Variants in DGKB observed in about 807,000 individuals in gnomAD.
DGKB encodes the protein 90 kDa diacylglycerol kinase.
A neutral mutation model predicts 114.3 loss-of-function variants in DGKB; 67 were observed. The observed-to-expected ratio is 0.59, with a 90% CI of 0.48 to 0.72. DGKB has a LOEUF of 0.72. Among genes scored for constraint, DGKB ranks in the 30% least tolerant of loss-of-function variants. The pLI, the probability that DGKB is intolerant of heterozygous loss-of-function variation, is 0.00. For synonymous variants in DGKB, 398 were observed against 323.1 expected (o/e 1.23, Z -2.49); for missense variants, 907 against 975.2 (o/e 0.93, Z 0.93).
At chr7:14,758,928 G>GATAGATAAC (rs376591211) in intron 2 of DGKB, among the ~76,000 whole-genome samples, 2,530 of 146,954 alleles carry the variant, frequency 0.017, 75 homozygotes, top group African/African-American at 0.06. Context: ...TAGATAGATA[G>GATAGATAAC]ATAGATACAT....
At chr7:14,168,389 C>G (rs1209660426) in intron 25 of DGKB, among the ~76,000 whole-genome samples, 1 of 152,032 alleles carries the variant, frequency 6.6e-6, no homozygotes, top group Non-Finnish European at 1.5e-5. Context: ...GCGTAGAAGT[C>G]AATATTTGAA....
intron 21 of DGKB, among the ~76,000 whole-genome samples, chr7:14,416,217 A>G (rs1207493430): frequency 6.6e-6 from 1 of 151,922 alleles, no homozygotes; most frequent in Non-Finnish European, 1.5e-5. Flanking sequence ...CCCATTCTGT[A>G]GGTTGCATAT....
At chr7:14,701,824 A>C in intron 6 of DGKB, 94 bp from the exon 7 acceptor site, 1 of 823,636 alleles carries the variant, frequency 1.2e-6, no homozygotes, top group East Asian at 2.5e-5. Flanking sequence ...TGTGTTGAAA[A>C]CAAATACTAA....
At chr7:14,821,329 C>G (rs1003471341) in intron 2 of DGKB, among the ~76,000 whole-genome samples, 1 of 151,954 alleles carries the variant, frequency 6.6e-6, no homozygotes, top group Non-Finnish European at 1.5e-5. Flanking sequence ...AGTAAACTAT[C>G]TTCAGAAACT....
chr7:14,745,507 G>T (rs1444046578), intron 4 of DGKB, among the ~76,000 whole-genome samples: 2 of 152,190 alleles, frequency 1.3e-5, no homozygotes, highest in African/African-American at 4.8e-5. Context: ...ATTGAGCACA[G>T]GGGGGCTTGC....
At chr7:14,793,990 T>C (rs1269368481) in intron 2 of DGKB, among the ~76,000 whole-genome samples, 1 of 152,160 alleles carries the variant, frequency 6.6e-6, no homozygotes, top group Non-Finnish European at 1.5e-5. Context: ...TCTCCAGCCC[T>C]CAGATAGGAA....
At chr7:14,639,994 C>A (rs10227542) in intron 13 of DGKB, among the ~76,000 whole-genome samples, 3,324 of 152,218 alleles carry the variant, frequency 0.022, 117 homozygotes, top group African/African-American at 0.076. Context: ...CACAAACATA[C>A]TTATGGTTAT....
chr7:14,612,176 T>C (rs925018575), intron 16 of DGKB, among the ~76,000 whole-genome samples: 28 of 151,560 alleles, frequency 1.8e-4, no homozygotes, highest in African/African-American at 6.3e-4. Flanking sequence ...TTTTATTTTA[T>C]TTTATTTTAT....
rs545957378 is a variant in DGKB at position 14,690,044 on chromosome 7, A to G, written c.711+4031T>C. On this transcript the variant is annotated intron_variant, in intron 9 of 25. Coordinates refer to ENST00000402815, the MANE Select transcript of DGKB (RefSeq NM_001350709.2). ...AGGCTAGATGTGGGTACAACAATCC[A>G]CAATAACAAGTTAAGGTATCGCTAT... Among the ~76,000 whole-genome samples, 311 of 152,348 alleles carry G rather than the reference A, an allele frequency of 2.0e-3. 1 individual carries two copies. The highest frequency in any genetic ancestry group is 3.5e-3 in the South Asian group (17 of 4,834).
intron 21 of DGKB, among the ~76,000 whole-genome samples, chr7:14,381,060 G>C (rs1819388313): frequency 6.6e-6 from 1 of 152,180 alleles, no homozygotes; most frequent in Non-Finnish European, 1.5e-5. Flanking sequence ...GTGCATGATG[G>C]AGCTGTGGGC....
At chr7:14,174,692 T>C (rs1008177169) in intron 25 of DGKB, among the ~76,000 whole-genome samples, 13 of 152,066 alleles carry the variant, frequency 8.5e-5, no homozygotes, top group Non-Finnish European at 1.8e-4. Context: ...TTTACCACTA[T>C]TTCCACCATC....
In DGKB at chr7:14,509,723, C is replaced by T. The variant is rs1365344799; in HGVS notation, c.1771-31498G>A. 2.0e-5 allele frequency among the ~76,000 whole-genome samples: 3 copies of T among 152,236 alleles called. No individual in the cohort carries two copies. In the East Asian group the frequency reaches 5.8e-4, roughly 29 times the overall value. ...GTGAGCAAGCCTCCGACGCTCTGGTCCCCTGGACCCGCCTTTTAAAAGCTT... is the reference window on the plus strand; with the variant it reads ...GTGAGCAAGCCTCCGACGCTCTGGTTCCCTGGACCCGCCTTTTAAAAGCTT... On this transcript the variant is annotated intron_variant, in intron 20 of 25. Transcript: ENST00000402815.
chr7:14,381,404 T>C (rs1227306183), intron 21 of DGKB, among the ~76,000 whole-genome samples: 1 of 152,228 alleles, frequency 6.6e-6, no homozygotes, highest in African/African-American at 2.4e-5. Flanking sequence ...TTGGATATCA[T>C]GCAGACTGCT....
chr7:14,458,608 C>T (rs1671363659), intron 21 of DGKB, among the ~76,000 whole-genome samples: 1 of 152,124 alleles, frequency 6.6e-6, no homozygotes, highest in Non-Finnish European at 1.5e-5. Context: ...CAGAGAACTC[C>T]CTCCCATAGC....
At chr7:14,445,612 G>T (rs891558081) in intron 21 of DGKB, among the ~76,000 whole-genome samples, 2 of 151,906 alleles carry the variant, frequency 1.3e-5, no homozygotes, top group African/African-American at 4.8e-5. Flanking sequence ...TGTGTACATG[G>T]TCACAATTTG....
chr7:14,906,536 C>T (rs1474617644), upstream of DGKB, among the ~76,000 whole-genome samples: 2 of 149,440 alleles, frequency 1.3e-5, no homozygotes, highest in Non-Finnish European at 3.0e-5. Flanking sequence ...TCACTGCAAC[C>T]TCTGCCTCCC....
At chr7:14,745,797 A>G (rs963861369) in intron 4 of DGKB, among the ~76,000 whole-genome samples, 5 of 6,824 alleles carry the variant, frequency 7.3e-4, no homozygotes, top group South Asian at 7.5e-3. Context: ...TCAGCCTTCA[A>G]TGTGTCGCAT....
intron 9 of DGKB, among the ~76,000 whole-genome samples, chr7:14,690,904 C>CT (rs1429382064): frequency 6.6e-6 from 1 of 152,154 alleles, no homozygotes; most frequent in East Asian, 1.9e-4. Flanking sequence ...AATCACAAAG[C>CT]CATCCAAATT....
chr7:14,315,165 C>T (rs1283514984), intron 23 of DGKB, among the ~76,000 whole-genome samples: 2 of 142,660 alleles, frequency 1.4e-5, no homozygotes, highest in East Asian at 4.2e-4. Flanking sequence ...CCGGTACCAG[C>T]CGCTGCAAAA....
Sources: gnomAD v4.1 joint callset for allele counts (sites outside exome capture counted in the v4.1 genomes callset) on GRCh38, gnomAD v4.1.1 for gene constraint, MANE v1.5 for transcripts, NCBI Gene and HGNC (gene_info 2026-07-23, HGNC 2026-07-21) for gene names.